KHDRBS3: variants seen among roughly 807,000 people sequenced by gnomAD.
KHDRBS3 encodes KH domain-containing, RNA-binding, signal transduction-associated protein 3.
KHDRBS3 carries 23 observed loss-of-function variants against 45.6 expected under a neutral mutation model. The ratio of observed to expected loss-of-function variants is 0.50; its 90% CI spans 0.36 to 0.72. The LOEUF is 0.72. Among genes scored for constraint, KHDRBS3 ranks in the 30% least tolerant of loss-of-function variants. The probability of loss-of-function intolerance (pLI) is 0.00; values close to 1 mark genes in which losing one functional copy is unlikely to be tolerated. For synonymous variants in KHDRBS3, 162 were observed against 156.5 expected, an observed-to-expected ratio of 1.04 and a Z score of -0.26; for missense variants, 352 against 424.8, an observed-to-expected ratio of 0.83 and a Z score of 1.51.
intron 1 of KHDRBS3, among the ~76,000 whole-genome samples, chr8:135,517,492 C>G (rs1824670952): frequency 6.6e-6 from 1 of 151,936 alleles, no homozygotes; most frequent in Admixed American, 6.6e-5. Context: ...AGACAGCTGT[C>G]TCAAGATTTC....
intron 2 of KHDRBS3, among the ~76,000 whole-genome samples, chr8:135,530,315 A>C (rs1174868265): frequency 1.3e-5 from 2 of 152,210 alleles, no homozygotes; most frequent in African/African-American, 2.4e-5. Flanking sequence ...TTGCGTGACT[A>C]TACTGGTATT....
chr8:135,488,165 C>T (rs911019559), intron 1 of KHDRBS3, among the ~76,000 whole-genome samples: 5 of 152,098 alleles, frequency 3.3e-5, no homozygotes, highest in South Asian at 2.1e-4. Flanking sequence ...TGTAAAATTA[C>T]GTATTTTATA....
chr8:135,524,472 G>A (rs1344980349), intron 2 of KHDRBS3, among the ~76,000 whole-genome samples: 1 of 152,058 alleles, frequency 6.6e-6, no homozygotes, highest in Non-Finnish European at 1.5e-5. Flanking sequence ...AAGCAATCTG[G>A]GCCTGGAGTT....
At chr8:135,534,870 A>T (rs753266676) in intron 2 of KHDRBS3, among the ~76,000 whole-genome samples, 7 of 152,154 alleles carry the variant, frequency 4.6e-5, no homozygotes, top group Non-Finnish European at 1.0e-4. Context: ...CACCATGCAC[A>T]AGCCTATTCA....
intron 4 of KHDRBS3, among the ~76,000 whole-genome samples, chr8:135,553,571 T>C (rs1390587163): frequency 6.6e-6 from 1 of 152,212 alleles, no homozygotes; most frequent in Admixed American, 6.6e-5. Flanking sequence ...TTACTTCTTA[T>C]AGATCACAAT....
intron 1 of KHDRBS3, among the ~76,000 whole-genome samples, chr8:135,517,757 G>A (rs1824688638): frequency 6.6e-6 from 1 of 152,138 alleles, no homozygotes; most frequent in South Asian, 2.1e-4. Flanking sequence ...GCATTGTTGT[G>A]TGGTGCTTTA....
intron 7 of KHDRBS3, among the ~76,000 whole-genome samples, 156 bp from the exon 8 acceptor site, chr8:135,644,903 T>C (rs1461181201): frequency 6.6e-6 from 1 of 152,180 alleles, no homozygotes; most frequent in Non-Finnish European, 1.5e-5. Context: ...AAGTTGACAC[T>C]TCTGCTTTAG....
chr8:135,493,247 C>T (rs1477805056), intron 1 of KHDRBS3, among the ~76,000 whole-genome samples: 3 of 151,970 alleles, frequency 2.0e-5, no homozygotes, highest in Admixed American at 2.0e-4. Flanking sequence ...TTCGGATTTT[C>T]TGGATAGTTT....
chr8:135,615,318 T>TTATTATATA (rs745425318), intron 7 of KHDRBS3, among the ~76,000 whole-genome samples: 8 of 148,978 alleles, frequency 5.4e-5, no homozygotes, highest in African/African-American at 7.8e-5. Context: ...TAAGTATTGC[T>TTATTATATA]GTTTATTATA....
intron 1 of KHDRBS3, among the ~76,000 whole-genome samples, chr8:135,507,605 C>T (rs1348558626): frequency 6.6e-6 from 1 of 152,126 alleles, no homozygotes; most frequent in Non-Finnish European, 1.5e-5. Flanking sequence ...TGAATGTCTG[C>T]ATTTAACTTG....
intron 1 of KHDRBS3, among the ~76,000 whole-genome samples, chr8:135,512,078 G>T (rs991497525): frequency 1.3e-5 from 2 of 152,054 alleles, no homozygotes; most frequent in African/African-American, 4.8e-5. Flanking sequence ...TAGTTATAGT[G>T]TGTTCAACTC....
At chr8:135,620,349 G>A (rs1456308095) in intron 7 of KHDRBS3, among the ~76,000 whole-genome samples, 4 of 151,960 alleles carry the variant, frequency 2.6e-5, no homozygotes, top group African/African-American at 9.7e-5. Flanking sequence ...CGATCTGTCC[G>A]CCTCAGCCTC....
chr8:135,511,540 TG>T (rs1293291233), intron 1 of KHDRBS3, among the ~76,000 whole-genome samples: 2 of 150,114 alleles, frequency 1.3e-5, no homozygotes, highest in African/African-American at 4.9e-5. Context: ...TCTGTTTTTT[TG>T]TTTGTTTGTT....
chr8:135,607,177 C>T (rs1829503079), intron 7 of KHDRBS3, 140 bp downstream of exon 7: 4 of 563,510 alleles, frequency 7.1e-6, no homozygotes, highest in African/African-American at 1.9e-5. Context: ...ATGGAGAAGC[C>T]CTGTCTGTTC....
chr8:135,583,933 A>G (rs1312841253), intron 6 of KHDRBS3, among the ~76,000 whole-genome samples: 4 of 152,294 alleles, frequency 2.6e-5, no homozygotes, highest in Admixed American at 6.5e-5. Context: ...TGATTGTTTT[A>G]TTTATTTTTT....
intron 5 of KHDRBS3, among the ~76,000 whole-genome samples, chr8:135,577,656 T>C (rs1049386536): frequency 6.6e-6 from 1 of 152,198 alleles, no homozygotes; most frequent in Non-Finnish European, 1.5e-5. Context: ...TATCTGTTCA[T>C]CTATCGAAGG....
chr8:135,551,137 A>G (rs1183595910), intron 4 of KHDRBS3, among the ~76,000 whole-genome samples: 1 of 152,308 alleles, frequency 6.6e-6, no homozygotes, highest in African/African-American at 2.4e-5. Context: ...TAGAATCACT[A>G]CAATGATTAA....
At chr8:135,592,314 C>T (rs1828781963) in intron 6 of KHDRBS3, among the ~76,000 whole-genome samples, 4 of 151,536 alleles carry the variant, frequency 2.6e-5, no homozygotes, top group Admixed American at 2.6e-4. Flanking sequence ...GTGGAAAGCT[C>T]TAAAATGAAA....
At chr8:135,639,573 C>T (rs1215013318) in intron 7 of KHDRBS3, among the ~76,000 whole-genome samples, 2 of 152,164 alleles carry the variant, frequency 1.3e-5, no homozygotes, top group East Asian at 1.9e-4. Flanking sequence ...AAAATACTCT[C>T]CTTTCCTCTA....
Sources: allele counts gnomAD v4.1 joint callset (sites outside exome capture counted in the v4.1 genomes callset), GRCh38; gene constraint gnomAD v4.1.1; transcripts MANE v1.5; gene names NCBI Gene and HGNC (gene_info 2026-07-23, HGNC 2026-07-21).